NKAIN3: variants seen among roughly 807,000 people sequenced by gnomAD.
The protein encoded by NKAIN3 is sodium/potassium transporting ATPase interacting 3, also known as sodium/potassium-transporting ATPase subunit beta-1-interacting protein 3.
In NKAIN3, 25 loss-of-function variants were observed where a neutral mutation model predicts 30.2. The ratio of observed to expected loss-of-function variants is 0.83; its 90% CI spans 0.60 to 1.16. The LOEUF is 1.16. Among genes scored for constraint, NKAIN3 ranks in the 50% most tolerant of loss-of-function variants. NKAIN3 has a pLI of 0.00. For synonymous variants in NKAIN3, 91 were observed against 89.6 expected, an observed-to-expected ratio of 1.02 and a Z score of -0.09; for missense variants, 225 against 254.1, an observed-to-expected ratio of 0.89 and a Z score of 0.78.
rs150277441 is a variant in NKAIN3, at chr8:62,708,785, T to A, written c.274-38147T>A. Among the ~76,000 whole-genome samples the A allele has an allele frequency of 7.0e-4, 106 of 152,322 alleles. 1 individual carries two copies. The Middle Eastern group carries it at 0.01, about 15-fold the overall frequency. On this transcript the variant is annotated intron_variant, in intron 3 of 6. Transcript: ENST00000623646. Reference sequence around the variant, plus strand: ...TGAAGAGGAGTGGTGAGAGTGGACATCCTTGTCTTGTTCCAGTTCCCAGAG... The same window carrying A: ...TGAAGAGGAGTGGTGAGAGTGGACAACCTTGTCTTGTTCCAGTTCCCAGAG...
At chr8:62,837,846 C>T (rs1198153637) in intron 4 of NKAIN3, among the ~76,000 whole-genome samples, 1 of 151,888 alleles carries the variant, frequency 6.6e-6, no homozygotes, top group Non-Finnish European at 1.5e-5. Context: ...AACATATCTC[C>T]CCACCAAAAC....
chr8:62,574,672 AG>A (rs1490533251), intron 1 of NKAIN3, among the ~76,000 whole-genome samples: 1 of 152,048 alleles, frequency 6.6e-6, no homozygotes, highest in African/African-American at 2.4e-5. Context: ...AACAGTGTAC[AG>A]GGTTTCCCTT....
intron 4 of NKAIN3, among the ~76,000 whole-genome samples, chr8:62,853,328 T>C (rs1819968137): frequency 6.6e-6 from 1 of 152,186 alleles, no homozygotes; most frequent in Admixed American, 6.5e-5. Context: ...TCCATCCCTT[T>C]ATTTTGAGCC....
chr8:62,950,746 T>TA (rs1455130564), intron 5 of NKAIN3, among the ~76,000 whole-genome samples: 4 of 152,180 alleles, frequency 2.6e-5, no homozygotes, highest in Non-Finnish European at 5.9e-5. Context: ...CTAATTTGGT[T>TA]AAAACAGTCC....
At chr8:62,341,031 C>T (rs908627644) in intron 1 of NKAIN3, among the ~76,000 whole-genome samples, 1 of 152,052 alleles carries the variant, frequency 6.6e-6, no homozygotes, top group African/African-American at 2.4e-5. Context: ...ATTTTAACTA[C>T]ATGCTTCAGT....
At chr8:62,470,606 A>C (rs907445782) in intron 1 of NKAIN3, among the ~76,000 whole-genome samples, 1 of 152,140 alleles carries the variant, frequency 6.6e-6, no homozygotes, top group African/African-American at 2.4e-5. Flanking sequence ...CCTGCATTGC[A>C]GTGTTCATCA....
chr8:62,830,988 G>C (rs186375614), intron 4 of NKAIN3, among the ~76,000 whole-genome samples: 1 of 152,068 alleles, frequency 6.6e-6, no homozygotes, highest in African/African-American at 2.4e-5. Context: ...TATACTCCAC[G>C]TATCAGCCCA....
At chr8:62,935,739 G>A (rs4237066) in intron 5 of NKAIN3, among the ~76,000 whole-genome samples, 105,602 of 151,982 alleles carry the variant, frequency 0.69, 37,620 homozygotes, top group African/African-American at 0.85. Context: ...CTGGCACAAT[G>A]TAGGGAAAAT....
intron 4 of NKAIN3, among the ~76,000 whole-genome samples, chr8:62,774,674 T>C (rs189417545): frequency 1.9e-4 from 29 of 152,334 alleles, no homozygotes; most frequent in Non-Finnish European, 4.0e-4. Context: ...ACATGGTTTT[T>C]GTACTTTATT....
At chr8:62,987,491 A>G (rs554450754), downstream of NKAIN3, among the ~76,000 whole-genome samples, 4 of 152,312 alleles carry the variant, frequency 2.6e-5, no homozygotes, top group Admixed American at 6.5e-5. Context: ...AGGCCTCACA[A>G]TCATGACAGA....
intron 6 of NKAIN3, among the ~76,000 whole-genome samples, 176 bp from the exon 7 acceptor site, chr8:62,965,178 A>G (rs1468511466): frequency 6.6e-6 from 1 of 152,058 alleles, no homozygotes; most frequent in African/African-American, 2.4e-5. Context: ...CCCGATTACC[A>G]TGCCCTAATC....
intron 4 of NKAIN3, among the ~76,000 whole-genome samples, chr8:62,816,719 T>C (rs1004696536): frequency 2.6e-5 from 4 of 152,020 alleles, no homozygotes; most frequent in South Asian, 2.1e-4. Flanking sequence ...AGAGTGGATA[T>C]GGGGGAGTGT....
At chr8:62,691,355 G>A (rs1813960258) in intron 3 of NKAIN3, among the ~76,000 whole-genome samples, 1 of 152,014 alleles carries the variant, frequency 6.6e-6, no homozygotes, top group Admixed American at 6.6e-5. Flanking sequence ...TGATCCTGAC[G>A]CTGTTCCAAC....
At chr8:62,592,494 TA>T (rs1285977768) in intron 3 of NKAIN3, among the ~76,000 whole-genome samples, 1 of 151,940 alleles carries the variant, frequency 6.6e-6, no homozygotes, top group Non-Finnish European at 1.5e-5. Context: ...CCAATATAAC[TA>T]AATAACTAAT....
chr8:62,337,495 C>T (rs770648068), intron 1 of NKAIN3, among the ~76,000 whole-genome samples: 1 of 151,804 alleles, frequency 6.6e-6, no homozygotes, highest in African/African-American at 2.4e-5. Context: ...TAAGGAGTGT[C>T]ATGAATTTGA....
intron 1 of NKAIN3, among the ~76,000 whole-genome samples, chr8:62,570,679 G>T (rs1809908177): frequency 6.6e-6 from 1 of 152,084 alleles, no homozygotes; most frequent in Non-Finnish European, 1.5e-5. Context: ...GGGAATTATG[G>T]GAGCTGCAAG....
At chr8:62,791,054 C>T (rs1817689173) in intron 4 of NKAIN3, among the ~76,000 whole-genome samples, 1 of 152,030 alleles carries the variant, frequency 6.6e-6, no homozygotes, top group South Asian at 2.1e-4. Context: ...TCAGCAGAAG[C>T]TTCAAGGTCT....
intron 3 of NKAIN3, among the ~76,000 whole-genome samples, chr8:62,690,076 G>A (rs73264888): frequency 0.012 from 1,884 of 152,222 alleles, 32 homozygotes; most frequent in African/African-American, 0.042. Context: ...CTCCGTTCTT[G>A]ACCCACCCCA....
At chr8:62,986,206 T>C (rs10957259), downstream of NKAIN3, among the ~76,000 whole-genome samples, 37,762 of 152,056 alleles carry the variant, frequency 0.25, 5,435 homozygotes, top group African/African-American at 0.4. Context: ...CAGGAGTGGC[T>C]AACCCGGAGA....
Sources: gnomAD v4.1 joint callset for allele counts (sites outside exome capture counted in the v4.1 genomes callset) on GRCh38, gnomAD v4.1.1 for gene constraint, MANE v1.5 for transcripts, NCBI Gene and HGNC (gene_info 2026-07-23, HGNC 2026-07-21) for gene names.